The following STAB2 variants were observed in gnomAD, a reference collection of about 807,000 sequenced individuals.
STAB2 encodes the protein stabilin 2.
Under a neutral mutation model 338.1 loss-of-function variants are expected in STAB2, and 288 were observed. That is an observed-to-expected ratio of 0.85 (90% CI 0.77 to 0.94). The LOEUF (loss-of-function observed/expected upper bound fraction) is 0.94, where lower values mean the gene tolerates loss of function less well. Ranked by LOEUF, STAB2 falls within the 40% of genes least tolerant of loss-of-function variation. The probability of loss-of-function intolerance (pLI) is 0.00; values close to 1 mark genes in which losing one functional copy is unlikely to be tolerated. For synonymous variants in STAB2, 1,202 were observed against 1,193.3 expected, an observed-to-expected ratio of 1.01 and a Z score of -0.15; for missense variants, 3,141 against 3,210.1, an observed-to-expected ratio of 0.98 and a Z score of 0.52.
chr12:103,686,247 C>T (rs931423400), intron 27 of STAB2, among the ~76,000 whole-genome samples: 1 of 152,198 alleles, frequency 6.6e-6, no homozygotes. Context: ...CCCTAAGAAC[C>T]TTGCCCTTGG....
intron 44 of STAB2, among the ~76,000 whole-genome samples, chr12:103,722,243 G>A (rs997734672): frequency 6.6e-6 from 1 of 152,216 alleles, no homozygotes; most frequent in Non-Finnish European, 1.5e-5. Flanking sequence ...AGAAGCCTCA[G>A]TAAAAAAGCC....
At chr12:103,635,871 C>T (rs898842990) in intron 6 of STAB2, among the ~76,000 whole-genome samples, 9 of 152,160 alleles carry the variant, frequency 5.9e-5, no homozygotes, top group African/African-American at 2.2e-4. Context: ...GAGCAGATTT[C>T]CAGCAAATAT....
In STAB2 at chr12:103,766,393, A is replaced by C; in HGVS notation, c.*57A>C. The C allele has an allele frequency of 6.4e-7, 1 of 1,556,324 alleles. No individual in the cohort carries two copies. Among genetic ancestry groups the C allele is most frequent in the South Asian group, 1.2e-5 (1 of 81,618 alleles). On this transcript the variant is annotated 3_prime_UTR_variant, in exon 69 of 69. Transcript: ENST00000388887. The stretch of plus-strand genomic sequence containing the variant: ...ACTGCCACCTGGGCCATCAACTGTG[A>C]ATTCTCAGCACCAGTTGCCTTTTAG...
intron 52 of STAB2, 28 bp downstream of exon 52, chr12:103,735,608 G>A: frequency 1.4e-6 from 2 of 1,419,828 alleles, no homozygotes; most frequent in Middle Eastern, 2.4e-4. Context: ...GGGTGGGCAG[G>A]GAGGGGTTAA....
Position 103,699,183 on chromosome 12 carries a change from C to A in STAB2, c.3670C>A (p.Leu1224Met), listed in dbSNP as rs748607106. 13 of 1,613,394 alleles carry A rather than the reference C, an allele frequency of 8.1e-6. No homozygotes were observed. The Admixed American group carries it at 2.2e-4, about 27-fold the overall frequency. Residue 1224 changes from leucine to methionine, a missense_variant, in exon 34 of 69, where the codon CTG (leucine) becomes ATG (methionine). Transcript: ENST00000388887. ...CAATGGCATGCATCGTGAGACCATG[C>A]TGGGTTTCTCCTATTTCCTTAGCTT... ...LHNGMHRETM[L>M]GFSYFLSFFL...
In STAB2 at chr12:103,656,528, A is replaced by G. The variant is rs144583570; in HGVS notation, c.1734+947A>G. Among the ~76,000 whole-genome samples, 102 of 152,310 alleles carry G rather than the reference A, an allele frequency of 6.7e-4. No individual in the cohort carries two copies. The East Asian group carries it at 0.019, about 29-fold the overall frequency. On this transcript the variant is annotated intron_variant, in intron 15 of 68. Transcript: ENST00000388887. Reference sequence around the variant, plus strand: ...GAAATAGACACGCTGGTAACCACCAACTTTCTAATTCAGATAGCCCCAGCC... The same window carrying G: ...GAAATAGACACGCTGGTAACCACCAGCTTTCTAATTCAGATAGCCCCAGCC...
intron 5 of STAB2, among the ~76,000 whole-genome samples, chr12:103,626,332 A>G (rs571792734): frequency 6.6e-6 from 1 of 152,328 alleles, no homozygotes; most frequent in East Asian, 1.9e-4. Context: ...ATTAGACATC[A>G]TAGTTCTAGG....
At chr12:103,762,424 A>G (rs376688389) in intron 67 of STAB2, 22 bp downstream of exon 67, 2 of 1,614,176 alleles carry the variant, frequency 1.2e-6, no homozygotes, top group Non-Finnish European at 1.7e-6. Context: ...AAATGGGAAC[A>G]TGATGATGGG....
chr12:103,718,538 G>A (rs1880513408), intron 44 of STAB2, among the ~76,000 whole-genome samples: 1 of 152,154 alleles, frequency 6.6e-6, no homozygotes, highest in Admixed American at 6.5e-5. Flanking sequence ...GTAGGGTGGA[G>A]GCTGCCACCA....
At chr12:103,761,002 G>A in intron 65 of STAB2, among the ~76,000 whole-genome samples, 1 of 49,406 alleles carries the variant, frequency 2.0e-5, no homozygotes, top group South Asian at 1.8e-3. Flanking sequence ...CATGGGGTTT[G>A]CTACTTCCTG....
chr12:103,704,568 G>A lies in STAB2; in HGVS notation c.3854G>A (p.Arg1285Lys), dbSNP rs1593259316. ...NDTTIIRGRC[R>K]TCSSELTCPF... ...TTGTGTTTTACCAAGGGAAGATGTA[G>A]GACATGCTCCTCAGAGCTGACCTGC... The change falls in exon 36 of 69, where the codon AGG (arginine) becomes AAG (lysine). Residue 1285 changes from arginine to lysine, a missense_variant. By Grantham distance (26) the Arg-to-Lys change is conservative. Coordinates refer to ENST00000388887, the MANE Select transcript of STAB2 (RefSeq NM_017564.10). The A allele has an allele frequency of 6.2e-7, 1 of 1,613,414 alleles. No homozygotes were observed. The highest frequency in any genetic ancestry group is 8.5e-7 in the Non-Finnish European group (1 of 1,179,746).
chr12:103,715,893 G>A lies in STAB2; in HGVS notation c.4611+5G>A. On this transcript the variant is annotated splice_donor_5th_base_variant and intron_variant, in intron 43 of 68. Coordinates refer to ENST00000388887, the MANE Select transcript of STAB2 (RefSeq NM_017564.10). ...ACACAGACAGGACCCAACCAGGTGA[G>A]TGCCACCTCTCCCAGGCCCTTAGGT... The A allele has an allele frequency of 1.2e-6, 2 of 1,613,936 alleles. No individual in the cohort carries two copies. The highest frequency in any genetic ancestry group is 1.7e-6 in the Non-Finnish European group (2 of 1,179,884).
At chr12:103,697,797 T>C (rs1046660867) in intron 33 of STAB2, among the ~76,000 whole-genome samples, 3 of 152,216 alleles carry the variant, frequency 2.0e-5, no homozygotes, top group African/African-American at 4.8e-5. Flanking sequence ...CAGGATTCAC[T>C]TATGACCCCT....
At chr12:103,721,738 C>T (rs1388384917) in intron 44 of STAB2, among the ~76,000 whole-genome samples, 2 of 152,156 alleles carry the variant, frequency 1.3e-5, no homozygotes, top group Non-Finnish European at 2.9e-5. Flanking sequence ...GCCTATAATC[C>T]CAGCACTTTG....
intron 34 of STAB2, 40 bp downstream of exon 34, chr12:103,699,267 G>T: frequency 6.3e-7 from 1 of 1,583,994 alleles, no homozygotes. Flanking sequence ...ATGCCACCGA[G>T]AATTACATCA....
chr12:103,601,815 T>C (rs7966214), intron 3 of STAB2, among the ~76,000 whole-genome samples: 48,901 of 152,100 alleles, frequency 0.32, 10,024 homozygotes, highest in African/African-American at 0.58. Context: ...ATCTAGTGTC[T>C]GAATTTGTTT....
At chr12:103,613,639 C>G (rs1024292994) in intron 3 of STAB2, among the ~76,000 whole-genome samples, 7 of 152,064 alleles carry the variant, frequency 4.6e-5, no homozygotes, top group Non-Finnish European at 7.4e-5. Context: ...ACTTCCCGGG[C>G]GAGGCAATGC....
In STAB2 at chr12:103,758,181, C is replaced by G; in HGVS notation, c.6999C>G (p.Ala2333=). ...SLTNFLTEVL[A]YSNSSARGRA... ...CTTCTTCTCCCCAGGAAGTGCTGGC[C>G]TATTCCAACAGCTCAGCTCGAGGCC... The change falls in exon 64 of 69, where the codon GCC becomes GCG. Residue 2333 remains alanine, a synonymous_variant. Transcript: ENST00000388887. 2.5e-6 allele frequency: 4 copies of G among 1,614,114 alleles called. No homozygotes were observed. Among genetic ancestry groups the G allele is most frequent in the Non-Finnish European group, 3.4e-6 (4 of 1,180,026 alleles).
At chr12:103,652,828 T>C in intron 12 of STAB2, 123 bp downstream of exon 12, 1 of 1,175,946 alleles carries the variant, frequency 8.5e-7, no homozygotes, top group Non-Finnish European at 1.1e-6. Context: ...TCCTCATGTA[T>C]TATTTGTCAA....
Sources: allele counts gnomAD v4.1 joint callset (sites outside exome capture counted in the v4.1 genomes callset), GRCh38; gene constraint gnomAD v4.1.1; transcripts MANE v1.5; gene names NCBI Gene and HGNC (gene_info 2026-07-23, HGNC 2026-07-21).